Variants in PRIM2 observed in about 807,000 individuals in gnomAD.
The protein encoded by PRIM2 is DNA primase subunit 2, also known as DNA primase large subunit.
In PRIM2, 39 loss-of-function variants were observed where a neutral mutation model predicts 67.3. The observed-to-expected ratio is 0.58, with a 90% confidence interval of 0.45 to 0.76. PRIM2 has a LOEUF of 0.76. Ranked by LOEUF, PRIM2 falls within the 30% of genes least tolerant of loss-of-function variation. The probability of loss-of-function intolerance (pLI) is 0.00; values close to 1 mark genes in which losing one functional copy is unlikely to be tolerated. For synonymous variants in PRIM2, 143 were observed against 198.7 expected (o/e 0.72, Z 2.36); for missense variants, 398 against 598.7 (o/e 0.66, Z 3.50).
chr6:57,371,878 T>C (rs1311517550), intron 5 of PRIM2, among the ~76,000 whole-genome samples: 4 of 152,250 alleles, frequency 2.6e-5, no homozygotes, highest in African/African-American at 9.6e-5. Flanking sequence ...TCTGGTTGCC[T>C]ATTTGAGTTT....
At chr6:57,228,539 G>A in the PRIM2 span, among the ~76,000 whole-genome samples, 1 of 152,198 alleles carries the variant, frequency 6.6e-6, no homozygotes, top group South Asian at 2.1e-4. Context: ...GCAGGGAGTA[G>A]TTGGAAAGAG....
chr6:57,512,877 G>A (rs2127461357), intron 8 of PRIM2, among the ~76,000 whole-genome samples: 1 of 152,154 alleles, frequency 6.6e-6, no homozygotes, highest in East Asian at 1.9e-4. Context: ...GATTACAGGT[G>A]TGAGCCACCG....
chr6:57,640,994 C>T (rs1158239844), intron 13 of PRIM2, among the ~76,000 whole-genome samples: 1 of 151,204 alleles, frequency 6.6e-6, no homozygotes, highest in Non-Finnish European at 1.5e-5. Context: ...AACTATACTA[C>T]AAGGCTACAG....
intron 7 of PRIM2, among the ~76,000 whole-genome samples, chr6:57,400,995 CCTT>C (rs1449458869): frequency 1.3e-5 from 2 of 152,174 alleles, no homozygotes; most frequent in African/African-American, 4.8e-5. Context: ...GCTATTTCCT[CCTT>C]CAGCTCCTTT....
rs574155717 is a variant in PRIM2, at chr6:57,347,940, G to A, written c.459+21895G>A. On this transcript the variant is annotated intron_variant, in intron 5 of 13. Coordinates refer to ENST00000615550, the MANE Select transcript of PRIM2 (RefSeq NM_000947.5). ...TGGAATAGATGCTGACATTTAAGGT[G>A]ACAGGGCCCATCAAAAGTGCTATAC... 2.6e-4 allele frequency among the ~76,000 whole-genome samples: 40 copies of A among 152,316 alleles called. No homozygotes were observed. In the South Asian group the frequency reaches 3.5e-3, roughly 13 times the overall value.
At chr6:57,265,313 T>C in the PRIM2 span, among the ~76,000 whole-genome samples, 1 of 152,140 alleles carries the variant, frequency 6.6e-6, no homozygotes, top group Non-Finnish European at 1.5e-5. Flanking sequence ...TACCTTTTAT[T>C]TGGGGAGGAG....
the PRIM2 span, among the ~76,000 whole-genome samples, chr6:57,250,160 T>G: frequency 6.6e-6 from 1 of 152,214 alleles, no homozygotes; most frequent in Non-Finnish European, 1.5e-5. Context: ...TTGACTGGTT[T>G]TTCATTCCCT....
the PRIM2 span, among the ~76,000 whole-genome samples, chr6:57,244,433 G>A: frequency 6.6e-6 from 1 of 152,052 alleles, no homozygotes; most frequent in African/African-American, 2.4e-5. Context: ...TTCAGCTAAG[G>A]CTTTATATGA....
the PRIM2 span, among the ~76,000 whole-genome samples, chr6:57,270,839 C>T: frequency 3.9e-5 from 6 of 152,068 alleles, no homozygotes; most frequent in Non-Finnish European, 8.8e-5. Context: ...TAGCATGAAG[C>T]GTTGTTGAAT....
chr6:57,578,242 A>T (rs1225511190), intron 10 of PRIM2, among the ~76,000 whole-genome samples: 3 of 152,188 alleles, frequency 2.0e-5, no homozygotes, highest in African/African-American at 7.2e-5. Flanking sequence ...AACCTTGATC[A>T]CTTGGTTAAA....
intron 12 of PRIM2, among the ~76,000 whole-genome samples, chr6:57,623,988 A>C (rs1356250235): frequency 1.3e-5 from 2 of 152,246 alleles, no homozygotes; most frequent in Non-Finnish European, 2.9e-5. Flanking sequence ...AAATCAGTAC[A>C]TGATACATCT....
At chr6:57,343,613 C>T (rs1768571402) in intron 5 of PRIM2, among the ~76,000 whole-genome samples, 1 of 151,820 alleles carries the variant, frequency 6.6e-6, no homozygotes, top group Admixed American at 6.6e-5. Flanking sequence ...TCTGGCAAGC[C>T]GTTGACTATG....
chr6:57,285,361 C>T, the PRIM2 span, among the ~76,000 whole-genome samples: 7 of 152,078 alleles, frequency 4.6e-5, no homozygotes, highest in African/African-American at 7.2e-5. Flanking sequence ...AACACTGATG[C>T]GAAAATCCTC....
At chr6:57,508,259 T>G (rs1378097413) in intron 8 of PRIM2, among the ~76,000 whole-genome samples, 3 of 152,146 alleles carry the variant, frequency 2.0e-5, no homozygotes, top group Non-Finnish European at 4.4e-5. Flanking sequence ...TTGTTGTTGT[T>G]GTCGTTGTTG....
At chr6:57,374,514 G>A (rs1769687186) in intron 5 of PRIM2, among the ~76,000 whole-genome samples, 2 of 150,788 alleles carry the variant, frequency 1.3e-5, no homozygotes. Flanking sequence ...GGATGGTCTC[G>A]ATCTCCTGAC....
At chr6:57,403,565 G>A (rs1665421135) in intron 7 of PRIM2, among the ~76,000 whole-genome samples, 1 of 152,006 alleles carries the variant, frequency 6.6e-6, no homozygotes, top group Admixed American at 6.6e-5. Context: ...CCTGGCCCAT[G>A]TGAAGAATAT....
intron 7 of PRIM2, among the ~76,000 whole-genome samples, chr6:57,493,071 A>G (rs1389762855): frequency 1.0e-3 from 157 of 152,370 alleles, no homozygotes; most frequent in African/African-American, 3.6e-3. Flanking sequence ...TCTTAAGTCC[A>G]GATAGTTCCG....
chr6:57,420,276 G>A (rs553321216), intron 7 of PRIM2, among the ~76,000 whole-genome samples: 123 of 152,238 alleles, frequency 8.1e-4, no homozygotes, highest in Admixed American at 6.5e-4. Flanking sequence ...AGGCCAAGGC[G>A]GGTAGATCAC....
chr6:57,429,091 T>C (rs1294501134), intron 7 of PRIM2, among the ~76,000 whole-genome samples: 6 of 152,220 alleles, frequency 3.9e-5, no homozygotes, highest in Non-Finnish European at 8.8e-5. Context: ...GAGAATGTTA[T>C]ATAAATGGAA....
Sources: allele counts gnomAD v4.1 joint callset (sites outside exome capture counted in the v4.1 genomes callset), GRCh38; gene constraint gnomAD v4.1.1; transcripts MANE v1.5; gene names NCBI Gene and HGNC (gene_info 2026-07-23, HGNC 2026-07-21).